Variants in NRXN1 observed in about 807,000 individuals in gnomAD.
NRXN1 encodes the protein neurexin-1.
In NRXN1, 39 loss-of-function variants were observed where a neutral mutation model predicts 150.9. The ratio of observed to expected loss-of-function variants is 0.26; its 90% CI spans 0.20 to 0.34. The LOEUF (loss-of-function observed/expected upper bound fraction) is 0.34, where lower values mean the gene tolerates loss of function less well. Ranked by LOEUF, NRXN1 falls within the 10% of genes least tolerant of loss-of-function variation. The pLI is 1.00. For missense variants in NRXN1, 1,815 were observed against 1,949.9 expected, an observed-to-expected ratio of 0.93 and a Z score of 1.30; for synonymous variants, 924 against 757.0, an observed-to-expected ratio of 1.22 and a Z score of -3.62.
intron 8 of NRXN1, among the ~76,000 whole-genome samples, chr2:50,618,395 A>G (rs1179189246): frequency 6.6e-6 from 1 of 152,082 alleles, no homozygotes; most frequent in East Asian, 1.9e-4. Context: ...TTTAAATCAA[A>G]TAACTGTGTT....
chr2:50,115,240 T>TATATATACAC (rs1270800103), intron 18 of NRXN1, among the ~76,000 whole-genome samples: 4 of 133,974 alleles, frequency 3.0e-5, no homozygotes, highest in Admixed American at 7.4e-5. Context: ...TATATATATA[T>TATATATACAC]ACACACACAC....
intron 21 of NRXN1, among the ~76,000 whole-genome samples, chr2:50,011,145 GACCTGAT>G (rs1303721010): frequency 1.3e-5 from 2 of 152,132 alleles, no homozygotes. Context: ...TTGGCTATGA[GACCTGAT>G]ATAGTTCTTG....
intron 5 of NRXN1, among the ~76,000 whole-genome samples, chr2:50,805,832 G>A (rs909514755): frequency 6.6e-5 from 10 of 152,020 alleles, no homozygotes; most frequent in Non-Finnish European, 1.3e-4. Flanking sequence ...CTGATAGCTG[G>A]CATGATCCAC....
chr2:50,397,896 T>G (rs1328873289), intron 17 of NRXN1, among the ~76,000 whole-genome samples: 1 of 152,164 alleles, frequency 6.6e-6, no homozygotes, highest in African/African-American at 2.4e-5. Context: ...ATCAATTAAT[T>G]GACCAACAAA....
intron 18 of NRXN1, among the ~76,000 whole-genome samples, chr2:50,213,919 A>G (rs775549524): frequency 2.0e-5 from 3 of 151,932 alleles, no homozygotes; most frequent in Non-Finnish European, 2.9e-5. Flanking sequence ...ATCTTTCTAA[A>G]TATTAATGCA....
intron 5 of NRXN1, among the ~76,000 whole-genome samples, chr2:50,915,201 A>G (rs1685047610): frequency 6.6e-6 from 1 of 151,652 alleles, no homozygotes; most frequent in East Asian, 1.9e-4. Flanking sequence ...TATTTTTCCA[A>G]TATAGACACC....
At chr2:50,236,307 T>A (rs897740630) in intron 18 of NRXN1, among the ~76,000 whole-genome samples, 1 of 152,056 alleles carries the variant, frequency 6.6e-6, no homozygotes, top group African/African-American at 2.4e-5. Flanking sequence ...TTGTTTCACA[T>A]CCCCAAGTAT....
At chr2:50,980,721 G>A (rs1039520459) in intron 2 of NRXN1, among the ~76,000 whole-genome samples, 22 of 152,110 alleles carry the variant, frequency 1.4e-4, no homozygotes, top group African/African-American at 5.1e-4. Flanking sequence ...ATGCCACAAC[G>A]CTATTGAAAA....
At chr2:50,950,705 T>C (rs1282248540) in intron 2 of NRXN1, among the ~76,000 whole-genome samples, 1 of 152,206 alleles carries the variant, frequency 6.6e-6, no homozygotes, top group Non-Finnish European at 1.5e-5. Flanking sequence ...ATTATTTCGG[T>C]AACAACATTT....
At chr2:50,762,963 T>C (rs1701977592) in intron 5 of NRXN1, among the ~76,000 whole-genome samples, 3 of 152,006 alleles carry the variant, frequency 2.0e-5, no homozygotes, top group Admixed American at 2.0e-4. Context: ...TTGTTGCTCC[T>C]GGCTGATTCC....
At chr2:50,279,170 C>A (rs981662126) in intron 17 of NRXN1, among the ~76,000 whole-genome samples, 5 of 152,164 alleles carry the variant, frequency 3.3e-5, no homozygotes, top group Admixed American at 1.3e-4. Flanking sequence ...ACTACTTGTA[C>A]CTTTTCCACC....
At chr2:50,691,490 A>G (rs752187300) in intron 5 of NRXN1, among the ~76,000 whole-genome samples, 6 of 152,188 alleles carry the variant, frequency 3.9e-5, no homozygotes, top group Admixed American at 3.3e-4. Flanking sequence ...TTATTTTTTT[A>G]GGAAGGATAA....
chr2:50,017,797 T>A (rs1686907573), intron 21 of NRXN1, among the ~76,000 whole-genome samples: 1 of 151,822 alleles, frequency 6.6e-6, no homozygotes, highest in Non-Finnish European at 1.5e-5. Context: ...AAGTAACAAA[T>A]GATAGGAACT....
chr2:50,394,230 G>A (rs2081921332), intron 17 of NRXN1, among the ~76,000 whole-genome samples: 1 of 151,922 alleles, frequency 6.6e-6, no homozygotes. Flanking sequence ...TGATGCTTAT[G>A]CTTGCATCTC....
At chr2:50,788,139 T>C (rs1574477480) in intron 5 of NRXN1, among the ~76,000 whole-genome samples, 1 of 150,248 alleles carries the variant, frequency 6.7e-6, no homozygotes, top group East Asian at 2.0e-4. Context: ...CAGGCTGGAG[T>C]GTAGTGGCGC....
intron 17 of NRXN1, among the ~76,000 whole-genome samples, chr2:50,410,876 A>G (rs538695024): frequency 6.6e-6 from 1 of 152,332 alleles, no homozygotes; most frequent in Non-Finnish European, 1.5e-5. Context: ...AAAGAGAAGG[A>G]GGCAAGTTCC....
intron 8 of NRXN1, among the ~76,000 whole-genome samples, chr2:50,566,109 C>G (rs975928216): frequency 1.3e-5 from 2 of 152,210 alleles, no homozygotes; most frequent in African/African-American, 4.8e-5. Flanking sequence ...TTCCTCACTT[C>G]AGGCCTAGCC....
At chr2:50,308,320 A>T (rs1206518718) in intron 17 of NRXN1, among the ~76,000 whole-genome samples, 1 of 151,630 alleles carries the variant, frequency 6.6e-6, no homozygotes, top group Admixed American at 6.6e-5. Flanking sequence ...TCAATTTTTT[A>T]AATTATTTTT....
chr2:49,992,103 A>T (rs1682066051), intron 21 of NRXN1, among the ~76,000 whole-genome samples: 1 of 152,202 alleles, frequency 6.6e-6, no homozygotes, highest in African/African-American at 2.4e-5. Context: ...TTAAGTGTAA[A>T]ATGAAAAACC....
Sources: gnomAD v4.1 joint callset for allele counts (sites outside exome capture counted in the v4.1 genomes callset) on GRCh38, gnomAD v4.1.1 for gene constraint, MANE v1.5 for transcripts, NCBI Gene and HGNC (gene_info 2026-07-23, HGNC 2026-07-21) for gene names.